EEFSEC: variants seen among roughly 807,000 people sequenced by gnomAD.
The protein encoded by EEFSEC is eukaryotic elongation factor, selenocysteine-tRNA specific.
A neutral mutation model predicts 42.1 loss-of-function variants in EEFSEC; 43 were observed. The observed-to-expected ratio is 1.02, with a 90% CI of 0.80 to 1.32. The LOEUF (loss-of-function observed/expected upper bound fraction) is 1.32, where lower values mean the gene tolerates loss of function less well. Ranked by LOEUF, EEFSEC falls within the 40% of genes most tolerant of loss-of-function variation. The pLI, the probability that EEFSEC is intolerant of heterozygous loss-of-function variation, is 0.00. For synonymous variants in EEFSEC, 354 were observed against 339.1 expected, an observed-to-expected ratio of 1.04 and a Z score of -0.48; for missense variants, 745 against 803.6, an observed-to-expected ratio of 0.93 and a Z score of 0.88.
At chr3:128,316,676 G>T (rs888558035) in intron 4 of EEFSEC, among the ~76,000 whole-genome samples, 1 of 152,218 alleles carries the variant, frequency 6.6e-6, no homozygotes, top group Non-Finnish European at 1.5e-5. Context: ...CCCTGAGCCT[G>T]CCTGGAGCTC....
At chr3:128,308,305 T>G (rs530514582) in intron 4 of EEFSEC, among the ~76,000 whole-genome samples, 1 of 152,268 alleles carries the variant, frequency 6.6e-6, no homozygotes, top group South Asian at 2.1e-4. Flanking sequence ...ACCTCAGTCC[T>G]TCTTGGTGCC....
intron 4 of EEFSEC, among the ~76,000 whole-genome samples, chr3:128,301,148 G>A (rs2066763561): frequency 6.6e-6 from 1 of 152,162 alleles, no homozygotes; most frequent in Non-Finnish European, 1.5e-5. Flanking sequence ...GCAATGTTCC[G>A]TCCTGGGGGG....
At chr3:128,340,931 A>G (rs907493873) in intron 4 of EEFSEC, among the ~76,000 whole-genome samples, 2 of 152,178 alleles carry the variant, frequency 1.3e-5, no homozygotes, top group Non-Finnish European at 2.9e-5. Flanking sequence ...AGCAGGGGTG[A>G]AGGGAACTAA....
intron 4 of EEFSEC, among the ~76,000 whole-genome samples, chr3:128,295,035 G>A (rs1284693975): frequency 6.6e-6 from 1 of 152,208 alleles, no homozygotes; most frequent in African/African-American, 2.4e-5. Flanking sequence ...GGGACATTTC[G>A]CTGGCTGCAC....
chr3:128,170,135 C>T (rs2687732), intron 1 of EEFSEC, among the ~76,000 whole-genome samples: 21,980 of 152,022 alleles, frequency 0.14, 1,710 homozygotes, highest in Admixed American at 0.2. Context: ...CTCCTCACCC[C>T]CCGCCCCGCC....
At chr3:128,312,197 A>C (rs2066897118) in intron 4 of EEFSEC, among the ~76,000 whole-genome samples, 1 of 152,240 alleles carries the variant, frequency 6.6e-6, no homozygotes, top group Admixed American at 6.5e-5. Context: ...CAAGCATTTT[A>C]CATGCCTTTT....
chr3:128,189,533 A>T (rs1400942294), intron 1 of EEFSEC, among the ~76,000 whole-genome samples: 1 of 149,540 alleles, frequency 6.7e-6, no homozygotes, highest in Non-Finnish European at 1.5e-5. Context: ...TTATTATTTT[A>T]GTGTGTACTC....
chr3:128,348,714 G>C (rs1242016466), intron 5 of EEFSEC, among the ~76,000 whole-genome samples: 2 of 152,200 alleles, frequency 1.3e-5, no homozygotes, highest in Non-Finnish European at 2.9e-5. Context: ...GTAAATAGTA[G>C]GTCGGGTATG....
chr3:128,334,055 G>A (rs560014003), intron 4 of EEFSEC, among the ~76,000 whole-genome samples: 55 of 152,334 alleles, frequency 3.6e-4, no homozygotes, highest in African/African-American at 1.3e-3. Context: ...AAAACTCCAT[G>A]GGCAAGTCCA....
chr3:128,281,630 TG>T (rs1261122064), intron 4 of EEFSEC, among the ~76,000 whole-genome samples: 2 of 152,076 alleles, frequency 1.3e-5, no homozygotes, highest in African/African-American at 4.8e-5. Flanking sequence ...GGGGTTTGGC[TG>T]GGTCTCACTG....
rs890153318 is a variant in EEFSEC at position 128,194,152 on chromosome 3, C to A, written c.316+40329C>A. On this transcript the variant is annotated intron_variant, in intron 1 of 6. Transcript: ENST00000254730. Reference sequence around the variant, plus strand: ...TCTCTTCCGTCTTGGGACGTGAAATCTTTTCAGCTCATAAAAAAGACAGGG... The same window carrying A: ...TCTCTTCCGTCTTGGGACGTGAAATATTTTCAGCTCATAAAAAAGACAGGG... Among the ~76,000 whole-genome samples the A allele has an allele frequency of 4.6e-5, 7 of 152,202 alleles. No individual in the cohort carries two copies. The South Asian group carries it at 1.4e-3, about 32-fold the overall frequency.
intron 1 of EEFSEC, among the ~76,000 whole-genome samples, chr3:128,222,050 T>TGAGACAGAATCTCACTC (rs2065866131): frequency 6.7e-6 from 1 of 148,806 alleles, no homozygotes; most frequent in South Asian, 2.1e-4. Context: ...TTTTTTTTTT[T>TGAGACAGAATCTCACTC]TGAGACAGAA....
intron 5 of EEFSEC, among the ~76,000 whole-genome samples, chr3:128,343,875 A>G (rs1052612707): frequency 1.3e-5 from 2 of 152,242 alleles, no homozygotes; most frequent in Admixed American, 6.5e-5. Context: ...TGGAAGCACA[A>G]GAACTGTAGG....
intron 5 of EEFSEC, among the ~76,000 whole-genome samples, chr3:128,342,317 T>C (rs2067264896): frequency 6.6e-6 from 1 of 152,254 alleles, no homozygotes; most frequent in South Asian, 2.1e-4. Context: ...CCAGCTGGGA[T>C]CTGCCCATGT....
At chr3:128,299,574 C>T (rs2066744482) in intron 4 of EEFSEC, among the ~76,000 whole-genome samples, 1 of 152,140 alleles carries the variant, frequency 6.6e-6, no homozygotes, top group African/African-American at 2.4e-5. Context: ...TTGTTGAGTG[C>T]TCTGTGAAGA....
chr3:128,228,642 T>C (rs1484279267), intron 1 of EEFSEC, among the ~76,000 whole-genome samples: 1 of 152,064 alleles, frequency 6.6e-6, no homozygotes. Context: ...GAGGGCAACA[T>C]AGCACTACTA....
intron 4 of EEFSEC, among the ~76,000 whole-genome samples, chr3:128,299,793 G>A (rs879851638): frequency 5.3e-5 from 8 of 152,198 alleles, no homozygotes; most frequent in African/African-American, 9.7e-5. Context: ...AGATGACCAC[G>A]TATTTCATAA....
chr3:128,162,148 T>G (rs2065195684), intron 1 of EEFSEC, among the ~76,000 whole-genome samples: 1 of 152,240 alleles, frequency 6.6e-6, no homozygotes, highest in Non-Finnish European at 1.5e-5. Flanking sequence ...CTTTACTTCT[T>G]TAGTTCCTAG....
chr3:128,286,498 G>T (rs1397629767), intron 4 of EEFSEC, among the ~76,000 whole-genome samples: 1 of 152,154 alleles, frequency 6.6e-6, no homozygotes, highest in Non-Finnish European at 1.5e-5. Flanking sequence ...TATACTTTGG[G>T]TTATAATCCA....
Sources: gnomAD v4.1 joint callset for allele counts (sites outside exome capture counted in the v4.1 genomes callset) on GRCh38, gnomAD v4.1.1 for gene constraint, MANE v1.5 for transcripts, NCBI Gene and HGNC (gene_info 2026-07-23, HGNC 2026-07-21) for gene names.